The following WWOX variants were observed in gnomAD, a reference collection of about 807,000 sequenced individuals.
The protein encoded by WWOX is WW domain-containing oxidoreductase.
A neutral mutation model predicts 46.2 loss-of-function variants in WWOX; 69 were observed. That is an observed-to-expected ratio of 1.49 (90% CI 1.23 to 1.82). WWOX has a LOEUF of 1.82. Ranked by LOEUF, WWOX falls within the 40% of genes most tolerant of loss-of-function variation. The pLI is 0.00. For missense variants in WWOX, 919 were observed against 542.6 expected (o/e 1.69, Z -6.89); for synonymous variants, 359 against 202.6 (o/e 1.77, Z -6.56).
intron 8 of WWOX, among the ~76,000 whole-genome samples, chr16:78,741,767 A>C (rs561027296): frequency 6.6e-6 from 1 of 152,168 alleles, no homozygotes; most frequent in South Asian, 2.1e-4. Flanking sequence ...AGGCAGGAGA[A>C]TTGCTTGAAT....
chr16:78,779,873 C>G (rs1162300062), intron 8 of WWOX, among the ~76,000 whole-genome samples: 1 of 152,178 alleles, frequency 6.6e-6, no homozygotes, highest in Non-Finnish European at 1.5e-5. Context: ...GGATGTAACA[C>G]TTTCTGCCAC....
chr16:78,935,657 A>T (rs1361479650), intron 8 of WWOX, among the ~76,000 whole-genome samples: 2 of 152,018 alleles, frequency 1.3e-5, no homozygotes, highest in African/African-American at 4.8e-5. Flanking sequence ...TCTAATGTAA[A>T]TGACGAGTTA....
intron 8 of WWOX, among the ~76,000 whole-genome samples, chr16:79,092,916 A>T (rs2048993126): frequency 6.6e-6 from 1 of 152,208 alleles, no homozygotes; most frequent in South Asian, 2.1e-4. Context: ...ATTTTCATGG[A>T]TGGACATGTG....
At chr16:78,670,613 C>T (rs895800361) in intron 8 of WWOX, among the ~76,000 whole-genome samples, 1 of 151,982 alleles carries the variant, frequency 6.6e-6, no homozygotes, top group Non-Finnish European at 1.5e-5. Flanking sequence ...CCCCCAAATT[C>T]GTGTCTATCT....
intron 8 of WWOX, among the ~76,000 whole-genome samples, chr16:78,808,851 C>A (rs2051110987): frequency 6.6e-6 from 1 of 152,082 alleles, no homozygotes; most frequent in African/African-American, 2.4e-5. Flanking sequence ...TACGGCTGCC[C>A]CTCATTTGAA....
chr16:79,051,795 G>A (rs1206237728), intron 8 of WWOX, among the ~76,000 whole-genome samples: 1 of 152,146 alleles, frequency 6.6e-6, no homozygotes, highest in African/African-American at 2.4e-5. Context: ...AAAGACCTGT[G>A]CTAACATTCT....
chr16:78,301,483 A>G (rs1318664567), intron 5 of WWOX, among the ~76,000 whole-genome samples: 1 of 152,056 alleles, frequency 6.6e-6, no homozygotes, highest in African/African-American at 2.4e-5. Context: ...ACCTTTATGA[A>G]TCTGGTTTTG....
At chr16:79,018,293 A>G (rs1322743542) in intron 8 of WWOX, among the ~76,000 whole-genome samples, 1 of 152,210 alleles carries the variant, frequency 6.6e-6, no homozygotes, top group Non-Finnish European at 1.5e-5. Flanking sequence ...AATGGTGTAA[A>G]TTATATCTGA....
At chr16:78,826,950 G>A (rs1316298897) in intron 8 of WWOX, among the ~76,000 whole-genome samples, 1 of 152,066 alleles carries the variant, frequency 6.6e-6, no homozygotes, top group Non-Finnish European at 1.5e-5. Context: ...TACATTTTTT[G>A]AATATGTTTC....
chr16:78,394,939 C>T (rs537124915), intron 6 of WWOX, among the ~76,000 whole-genome samples: 1 of 152,186 alleles, frequency 6.6e-6, no homozygotes, highest in Admixed American at 6.5e-5. Flanking sequence ...GAAAATCTCT[C>T]AGCGTCACTT....
At chr16:78,293,714 AGG>A (rs2079895965) in intron 5 of WWOX, among the ~76,000 whole-genome samples, 2 of 152,140 alleles carry the variant, frequency 1.3e-5, no homozygotes, top group African/African-American at 4.8e-5. Flanking sequence ...GCGGTGCCTC[AGG>A]CCTGTAATCC....
At chr16:78,786,229 C>A (rs564904284) in intron 8 of WWOX, among the ~76,000 whole-genome samples, 3 of 152,116 alleles carry the variant, frequency 2.0e-5, no homozygotes, top group African/African-American at 7.2e-5. Flanking sequence ...ATTTTCTACC[C>A]CACTTTCTTA....
chr16:78,540,343 G>T (rs1398396373), intron 8 of WWOX, among the ~76,000 whole-genome samples: 1 of 151,778 alleles, frequency 6.6e-6, no homozygotes, highest in African/African-American at 2.4e-5. Context: ...TCTGAGCTTT[G>T]GTTCTACACA....
At chr16:78,776,209 A>T (rs1220773406) in intron 8 of WWOX, among the ~76,000 whole-genome samples, 1 of 152,138 alleles carries the variant, frequency 6.6e-6, no homozygotes, top group Non-Finnish European at 1.5e-5. Flanking sequence ...CTCTAGAAAC[A>T]ACTTTTGTGT....
At chr16:78,725,617 G>T (rs1013200322) in intron 8 of WWOX, among the ~76,000 whole-genome samples, 6 of 152,000 alleles carry the variant, frequency 3.9e-5, no homozygotes, top group African/African-American at 1.4e-4. Context: ...AAAGTCAGGT[G>T]TGTCTTTATC....
At chr16:79,101,776 C>G (rs1029661968) in intron 8 of WWOX, 3 of 149,844 alleles carry the variant, frequency 2.0e-5, no homozygotes, top group Non-Finnish European at 4.4e-5. Flanking sequence ...ATACTTCCTG[C>G]TTTCACATCT....
At chr16:78,646,825 T>G (rs1040822204) in intron 8 of WWOX, among the ~76,000 whole-genome samples, 3 of 152,186 alleles carry the variant, frequency 2.0e-5, no homozygotes, top group African/African-American at 7.2e-5. Flanking sequence ...ATCGCCTTCC[T>G]TTTATCTCCC....
Position 78,309,688 on chromosome 16 carries a change from T to C in WWOX, c.517-77172T>C, listed in dbSNP as rs1042452733. On this transcript the variant is annotated intron_variant, in intron 5 of 8. Coordinates refer to ENST00000566780, the MANE Select transcript of WWOX (RefSeq NM_016373.4). ...GGTCGGGAATAAACTTCTTTAAATA[T>C]TTTAGAGTTTCACTCTTTCAATCAA... Among the ~76,000 whole-genome samples, 2 of 152,318 alleles carry C rather than the reference T, an allele frequency of 1.3e-5. 1 individual carries two copies. Among genetic ancestry groups the C allele is most frequent in the African/African-American group, 4.8e-5 (2 of 41,568 alleles).
intron 5 of WWOX, among the ~76,000 whole-genome samples, chr16:78,262,176 G>A (rs1193659083): frequency 6.7e-6 from 1 of 150,058 alleles, no homozygotes; most frequent in East Asian, 2.0e-4. Flanking sequence ...AATAGTACCA[G>A]TTGGTTGTAA....
Sources: allele counts gnomAD v4.1 joint callset (sites outside exome capture counted in the v4.1 genomes callset), GRCh38; gene constraint gnomAD v4.1.1; transcripts MANE v1.5; gene names NCBI Gene and HGNC (gene_info 2026-07-23, HGNC 2026-07-21).